Variants in EPS8 observed in about 807,000 individuals in gnomAD.
EPS8 encodes the protein epidermal growth factor receptor kinase substrate 8.
A neutral mutation model predicts 103.8 loss-of-function variants in EPS8; 42 were observed. The ratio of observed to expected loss-of-function variants is 0.40; its 90% CI spans 0.32 to 0.52. The LOEUF (loss-of-function observed/expected upper bound fraction) is 0.52, where lower values mean the gene tolerates loss of function less well. Ranked by LOEUF, EPS8 falls within the 20% of genes least tolerant of loss-of-function variation. The pLI is 0.40. For synonymous variants in EPS8, 344 were observed against 344.6 expected (o/e 1.00, Z 0.02); for missense variants, 969 against 1,005.1 (o/e 0.96, Z 0.49).
At chr12:15,743,238 A>G (rs1218627576) in intron 1 of EPS8, among the ~76,000 whole-genome samples, 1 of 152,184 alleles carries the variant, frequency 6.6e-6, no homozygotes, top group Non-Finnish European at 1.5e-5. Context: ...GAGAACTACA[A>G]ACCACTACTC....
At chr12:15,692,467 T>C (rs578162264) in intron 1 of EPS8, among the ~76,000 whole-genome samples, 1 of 152,054 alleles carries the variant, frequency 6.6e-6, no homozygotes, top group Non-Finnish European at 1.5e-5. Flanking sequence ...GAGTCTAGGA[T>C]CTTCATTTTT....
intron 1 of EPS8, among the ~76,000 whole-genome samples, chr12:15,741,937 C>T (rs901204145): frequency 2.0e-5 from 3 of 152,166 alleles, no homozygotes; most frequent in African/African-American, 7.2e-5. Context: ...CTGTTCAGTT[C>T]CCACCTATGA....
At chr12:15,786,480 C>G (rs1947312023) in intron 1 of EPS8, among the ~76,000 whole-genome samples, 2 of 151,894 alleles carry the variant, frequency 1.3e-5, no homozygotes. Context: ...AGAAAAAGGA[C>G]ATTAAAAACT....
At position 15,725,625 on chromosome 12, in the gene EPS8, TTCAC is replaced by T. The variant is rs1255532551; in HGVS notation, c.-21-42657_-21-42654del. On this transcript the variant is annotated intron_variant, in intron 1 of 20. Coordinates refer to ENST00000281172, the MANE Select transcript of EPS8 (RefSeq NM_004447.6). This position sits in a 1 kb window ranked among gnomAD's most constrained non-coding sequence, Gnocchi z 4.5. ...ACAATGGGTCTTCATCATATGGTGA[TTCAC>T]TCACCACCACAGTATCAACCTTGGA... Among the ~76,000 whole-genome samples, 20 of 152,252 alleles carry T rather than the reference TTCAC, an allele frequency of 1.3e-4. No homozygotes were observed. Among genetic ancestry groups the T allele is most frequent in the Non-Finnish European group, 2.5e-4 (17 of 68,014 alleles).
chr12:15,681,241 C>A lies in EPS8; in HGVS notation c.121G>T (p.Ala41Ser). Reference sequence around the variant, plus strand: ...ACAAACCTACCATAAAGGGCCTTTGCACTTGTTTTTGAACCATGTTCTCTG... The same window carrying A: ...ACAAACCTACCATAAAGGGCCTTTGAACTTGTTTTTGAACCATGTTCTCTG... ...TDREHGSKTSAKALYEQRKNY... is the reference protein window; with the variant it reads ...TDREHGSKTSSKALYEQRKNY... Residue 41 changes from alanine to serine, a missense_variant, in exon 3 of 21, where the codon GCA (alanine) becomes TCA (serine). Ala to Ser is a moderately conservative substitution (Grantham distance 99). Transcript: ENST00000281172. The A allele has an allele frequency of 6.4e-7, 1 of 1,567,172 alleles. No individual in the cohort carries two copies. The highest frequency in any genetic ancestry group is 8.7e-7 in the Non-Finnish European group (1 of 1,151,432).
intron 1 of EPS8, 133 bp from the exon 2 acceptor site, chr12:15,683,105 C>T: frequency 1.9e-6 from 1 of 519,588 alleles, no homozygotes; most frequent in Non-Finnish European, 3.3e-6. Context: ...AGATCTCCAC[C>T]CTCAAAGAGC....
chr12:15,747,619 T>C lies in EPS8; in HGVS notation c.-22+41542A>G, dbSNP rs918681952. On this transcript the variant is annotated intron_variant, in intron 1 of 20. Coordinates refer to ENST00000281172, the MANE Select transcript of EPS8 (RefSeq NM_004447.6). The surrounding 1 kb of genome is among the most constrained non-coding windows in gnomAD (Gnocchi z 4.4). ...AACATATTTTCCTTTCCCTCAGCCA[T>C]CATTCAGCTTACAGAAAGAAGAAAT... is the stretch of plus-strand genomic sequence containing the variant. Among the ~76,000 whole-genome samples the C allele has an allele frequency of 1.1e-4, 16 of 152,284 alleles. No homozygotes were observed. In the East Asian group the frequency reaches 1.7e-3, roughly 17 times the overall value.
rs1946253808 is a variant in EPS8 at position 15,697,119 on chromosome 12, A to G, written c.-21-14147T>C. The stretch of plus-strand genomic sequence containing the variant: ...AAATGGCCTATAGACTGAAGAAGGG[A>G]AAACTTGAGGGACAAGCACAAACTG... On this transcript the variant is annotated intron_variant, in intron 1 of 20. Coordinates refer to ENST00000281172, the MANE Select transcript of EPS8 (RefSeq NM_004447.6). The surrounding 1 kb of genome is among the most constrained non-coding windows in gnomAD (Gnocchi z 5.6). Among the ~76,000 whole-genome samples, 1 of 152,162 alleles carries G rather than the reference A, an allele frequency of 6.6e-6. No homozygotes were observed. The highest frequency in any genetic ancestry group is 1.5e-5 in the Non-Finnish European group (1 of 68,030).
At chr12:15,726,123 G>C (rs1026611924) in intron 1 of EPS8, among the ~76,000 whole-genome samples, 1 of 152,178 alleles carries the variant, frequency 6.6e-6, no homozygotes, top group African/African-American at 2.4e-5. Context: ...CCTCCAGAAA[G>C]CCTTTGTGGG....
rs1256531071 is a variant in EPS8 at position 15,778,372 on chromosome 12, T to C, written c.-22+10789A>G. Among the ~76,000 whole-genome samples, 2 of 152,190 alleles carry C rather than the reference T, an allele frequency of 1.3e-5. No homozygotes were observed. Among genetic ancestry groups the C allele is most frequent in the East Asian group, 3.8e-4 (2 of 5,198 alleles). On this transcript the variant is annotated intron_variant, in intron 1 of 20. Coordinates refer to ENST00000281172, the MANE Select transcript of EPS8 (RefSeq NM_004447.6). The surrounding 1 kb of genome is among the most constrained non-coding windows in gnomAD (Gnocchi z 4.5). ...ACCAGATTTTTATCACAGAAAGGAT[T>C]CCATTGCTATTAAATTATTCAGAAT...
chr12:15,765,820 T>G (rs1028437767), intron 1 of EPS8, among the ~76,000 whole-genome samples: 4 of 150,514 alleles, frequency 2.7e-5, no homozygotes, highest in African/African-American at 9.7e-5. Context: ...TTTTTTGGTT[T>G]TTTTTTTTTT....
At chr12:15,681,685 G>A (rs1020233360) in intron 2 of EPS8, among the ~76,000 whole-genome samples, 2 of 139,582 alleles carry the variant, frequency 1.4e-5, no homozygotes, top group African/African-American at 5.4e-5. Context: ...AGCCAAGATC[G>A]CGCTATTGCA....
chr12:15,621,283 C>CA lies in EPS8; in HGVS notation c.*33dup, dbSNP rs1330458532. ...AAAACAAAGCATGTTGGAATAATGC[C>CA]AAAAACAATGGAGTTTAAATACAAA... On this transcript the variant is annotated 3_prime_UTR_variant, in exon 21 of 21. Coordinates refer to ENST00000281172, the MANE Select transcript of EPS8 (RefSeq NM_004447.6). 8.6e-6 allele frequency: 10 copies of CA among 1,165,968 alleles called. No homozygotes were observed. Among genetic ancestry groups the CA allele is most frequent in the Non-Finnish European group, 1.2e-5 (10 of 813,598 alleles). The allele number at this position is 1,165,968 out of a possible 1,614,324, so 72.2% of individuals were successfully genotyped here.
chr12:15,788,847 T>C (rs1947337710), intron 1 of EPS8, among the ~76,000 whole-genome samples: 2 of 152,086 alleles, frequency 1.3e-5, no homozygotes, highest in African/African-American at 4.8e-5. Flanking sequence ...TGAGCGCAGG[T>C]GTATCTGCGG....
Position 15,706,013 on chromosome 12 carries a change from AT to A in EPS8, c.-21-23042del, listed in dbSNP as rs201182998. On this transcript the variant is annotated intron_variant, in intron 1 of 20. Coordinates refer to ENST00000281172, the MANE Select transcript of EPS8 (RefSeq NM_004447.6). The surrounding 1 kb of genome is among the most constrained non-coding windows in gnomAD (Gnocchi z 5.2). ...GTGTTGCTGCTACCACCTATCAGCT[AT>A]TTTTTTTTTAACTCAAAGAAGGCTA... Among the ~76,000 whole-genome samples, 239 of 149,634 alleles carry A rather than the reference AT, an allele frequency of 1.6e-3. 5 individuals carry two copies. The East Asian group carries it at 0.037, about 23-fold the overall frequency.
chr12:15,780,368 C>T lies in EPS8; in HGVS notation c.-22+8793G>A, dbSNP rs1035607000. Among the ~76,000 whole-genome samples, 11 of 151,922 alleles carry T rather than the reference C, an allele frequency of 7.2e-5. No homozygotes were observed. Among genetic ancestry groups the T allele is most frequent in the South Asian group, 2.1e-4 (1 of 4,816 alleles). ...TCTACCTGGAGAGAGATGAGCGTCT[C>T]GCTTTGCCTCAAAAATTCATTCTAT... On this transcript the variant is annotated intron_variant, in intron 1 of 20. Coordinates refer to ENST00000281172, the MANE Select transcript of EPS8 (RefSeq NM_004447.6). The surrounding 1 kb of genome is among the most constrained non-coding windows in gnomAD (Gnocchi z 4.1).
At chr12:15,670,234 A>C (rs895318573) in intron 4 of EPS8, among the ~76,000 whole-genome samples, 1 of 152,196 alleles carries the variant, frequency 6.6e-6, no homozygotes, top group Non-Finnish European at 1.5e-5. Context: ...AAAACTATGG[A>C]CACTGATTGT....
intron 1 of EPS8, among the ~76,000 whole-genome samples, chr12:15,743,233 C>T (rs1038758047): frequency 3.8e-4 from 58 of 152,212 alleles, no homozygotes; most frequent in Non-Finnish European, 4.0e-4. Context: ...TCAAGGAGAA[C>T]TACAAACCAC....
chr12:15,658,089 G>T lies in EPS8; in HGVS notation c.1091C>A (p.Pro364Gln). Residue 364 changes from proline (P) to glutamine (Q), a missense_variant, in exon 12 of 21, where the codon CCA becomes CAA. Physicochemically the swap from Pro to Gln is moderately conservative, Grantham distance 76. Transcript: ENST00000281172. ...AADLVHFLFT[P>Q]LNMVVQATGG... ...CTAATAAAATCTCACCATATTTAATGGAGTAAACAAAAAGTGAACCAAATC... is the reference window on the plus strand; with the variant it reads ...CTAATAAAATCTCACCATATTTAATTGAGTAAACAAAAAGTGAACCAAATC... 6.3e-7 allele frequency: 1 copy of T among 1,588,262 alleles called. No homozygotes were observed. The highest frequency in any genetic ancestry group is 8.6e-7 in the Non-Finnish European group (1 of 1,157,374).
Sources: gnomAD v4.1 joint callset for allele counts (sites outside exome capture counted in the v4.1 genomes callset) on GRCh38, gnomAD v4.1.1 for gene constraint, Gnocchi (gnomAD v3.1) non-coding constraint, MANE v1.5 for transcripts, NCBI Gene and HGNC (gene_info 2026-07-23, HGNC 2026-07-21) for gene names.